The following XKR4 variants were observed in gnomAD, a reference collection of about 807,000 sequenced individuals.
The protein encoded by XKR4 is XK related 4.
In XKR4, 12 loss-of-function variants were observed where a neutral mutation model predicts 53.9. That is an observed-to-expected ratio of 0.22 (90% CI 0.14 to 0.36). XKR4 has a LOEUF of 0.36. XKR4 is among the 10% of genes least tolerant of loss of function. The probability of loss-of-function intolerance (pLI) is 1.00; values close to 1 mark genes in which losing one functional copy is unlikely to be tolerated. For synonymous variants in XKR4, 354 were observed against 362.4 expected (o/e 0.98, Z 0.26); for missense variants, 799 against 859.5 (o/e 0.93, Z 0.88).
intron 2 of XKR4, among the ~76,000 whole-genome samples, chr8:55,477,301 G>T (rs1806008139): frequency 6.6e-6 from 1 of 152,132 alleles, no homozygotes; most frequent in Non-Finnish European, 1.5e-5. Flanking sequence ...AACAGGGTCT[G>T]GAGTGGACCT....
intron 1 of XKR4, among the ~76,000 whole-genome samples, chr8:55,228,881 C>T (rs1446321433): frequency 1.3e-5 from 2 of 150,488 alleles, no homozygotes; most frequent in Non-Finnish European, 2.9e-5. Context: ...ATTCTCTCTT[C>T]TATTTCTATC....
intron 1 of XKR4, among the ~76,000 whole-genome samples, chr8:55,135,989 G>C (rs967049829): frequency 6.6e-6 from 1 of 151,760 alleles, no homozygotes; most frequent in Non-Finnish European, 1.5e-5. Flanking sequence ...CGCCTCCCGG[G>C]TTCAAGTGAT....
At chr8:55,463,056 G>C (rs1805689115) in intron 2 of XKR4, among the ~76,000 whole-genome samples, 3 of 152,068 alleles carry the variant, frequency 2.0e-5, no homozygotes, top group African/African-American at 7.2e-5. Flanking sequence ...GTCAACATTA[G>C]ACAGATCAAC....
intron 1 of XKR4, among the ~76,000 whole-genome samples, chr8:55,253,590 T>G (rs1818390723): frequency 1.3e-5 from 2 of 152,336 alleles, no homozygotes; most frequent in South Asian, 4.1e-4. Flanking sequence ...CTTAAGGATT[T>G]ATGATGAACT....
chr8:55,524,178 A>G lies in XKR4; in HGVS notation c.1904A>G (p.Lys635Arg). The G allele has an allele frequency of 6.2e-7, 1 of 1,614,228 alleles. No homozygotes were observed. The change falls in exon 3 of 3, where the codon AAA (lysine) becomes AGA (arginine). Residue 635 changes from lysine (K) to arginine (R), a missense_variant. Transcript: ENST00000327381. The part of the protein sequence containing the change: ...CSPSPPRLQY[K>R]DDALIQERLE... ...CCATCTCCTCCAAGGCTGCAGTACAAAGATGATGCCCTTATTCAGGAGCGG... is the reference window on the plus strand; with the variant it reads ...CCATCTCCTCCAAGGCTGCAGTACAGAGATGATGCCCTTATTCAGGAGCGG...
chr8:55,153,337 G>GT (rs2129355961), intron 1 of XKR4, among the ~76,000 whole-genome samples: 1 of 152,316 alleles, frequency 6.6e-6, no homozygotes, highest in East Asian at 1.9e-4. Flanking sequence ...CCCGAGGGAA[G>GT]ATATAAGAGA....
chr8:55,462,602 G>A (rs916885805), intron 2 of XKR4, among the ~76,000 whole-genome samples: 13 of 152,070 alleles, frequency 8.5e-5, no homozygotes, highest in African/African-American at 1.4e-4. Context: ...TCATAATGAC[G>A]GGATCAAATT....
chr8:55,470,874 A>G (rs933144043), intron 2 of XKR4, among the ~76,000 whole-genome samples: 5 of 152,160 alleles, frequency 3.3e-5, no homozygotes, highest in Non-Finnish European at 5.9e-5. Flanking sequence ...GCTATTAAAT[A>G]TTTCAGCCAA....
chr8:55,103,051 C>T lies in XKR4; in HGVS notation c.563C>T (p.Pro188Leu). Reference sequence around the variant, plus strand: ...GCTGCTGCCTCCAGCTGCCCGCAGCCTGGAGCCGATTGCAAGACGGTGGTC... The same window carrying T: ...GCTGCTGCCTCCAGCTGCCCGCAGCTTGGAGCCGATTGCAAGACGGTGGTC... ...TAAAASSCPQ[P>L]GADCKTVVGG... is the part of the protein sequence containing the mutation. Residue 188 changes from proline (P) to leucine (L), a missense_variant, in exon 1 of 3, where the codon CCT (proline) becomes CTT (leucine). Pro to Leu is a moderately conservative substitution (Grantham distance 98). Transcript: ENST00000327381. The T allele has an allele frequency of 6.2e-7, 1 of 1,612,836 alleles. No individual in the cohort carries two copies. Among genetic ancestry groups the T allele is most frequent in the Middle Eastern group, 1.7e-4 (1 of 6,060 alleles).
chr8:55,350,738 C>CTTTTTT (rs1028164969), intron 1 of XKR4, among the ~76,000 whole-genome samples: 65 of 122,392 alleles, frequency 5.3e-4, no homozygotes, highest in African/African-American at 6.1e-4. Context: ...TTTTTCTTTT[C>CTTTTTT]TTTTTTTTTT....
chr8:55,113,427 C>G (rs886613396), intron 1 of XKR4, among the ~76,000 whole-genome samples: 7 of 152,176 alleles, frequency 4.6e-5, no homozygotes, highest in South Asian at 2.1e-4. Context: ...TCGTACTGAC[C>G]TCCATTATGA....
chr8:55,390,673 T>C (rs1006120343), intron 2 of XKR4, among the ~76,000 whole-genome samples: 3 of 152,198 alleles, frequency 2.0e-5, no homozygotes, highest in Non-Finnish European at 2.9e-5. Context: ...ATACTGATTA[T>C]AAAACGAGGT....
chr8:55,289,591 GAGAAAGAAAGAAAGAA>G lies in XKR4; in HGVS notation c.807-68044_807-68029del, dbSNP rs747365935. On this transcript the variant is annotated intron_variant, in intron 1 of 2. Coordinates refer to ENST00000327381, the MANE Select transcript of XKR4 (RefSeq NM_052898.2). ...AAGGAGAGAGAAAGGAAGAAAGAAA[GAGAAAGAAAGAAAGAA>G]AGAAAGAAAGAAAGAAAGAAAGAAA... is the stretch of plus-strand genomic sequence containing the variant. Among the ~76,000 whole-genome samples the G allele has an allele frequency of 3.9e-3, 263 of 67,396 alleles. 4 individuals carry two copies. Among genetic ancestry groups the G allele is most frequent in the South Asian group, 9.3e-3 (14 of 1,500 alleles). 44.2% of individuals were successfully genotyped at this position (67,396 alleles called of 152,430 possible).
chr8:55,264,511 A>G (rs60604198), intron 1 of XKR4, among the ~76,000 whole-genome samples: 35,889 of 152,122 alleles, frequency 0.24, 4,691 homozygotes, highest in East Asian at 0.49. Context: ...AATCAGTATG[A>G]TTATTCACAA....
intron 1 of XKR4, among the ~76,000 whole-genome samples, chr8:55,203,459 C>A (rs1817603022): frequency 6.6e-6 from 1 of 152,158 alleles, no homozygotes; most frequent in Non-Finnish European, 1.5e-5. Flanking sequence ...AAGATTACTG[C>A]AGGGGTGGTT....
chr8:55,103,885 A>C (rs192096622), intron 1 of XKR4, among the ~76,000 whole-genome samples: 1 of 137,434 alleles, frequency 7.3e-6, no homozygotes, highest in African/African-American at 2.9e-5. Context: ...ATATATATAT[A>C]TATATATATC....
intron 1 of XKR4, among the ~76,000 whole-genome samples, chr8:55,156,245 C>CT (rs1334210038): frequency 2.0e-5 from 3 of 151,374 alleles, no homozygotes; most frequent in Non-Finnish European, 4.4e-5. Context: ...AGGTATTTGG[C>CT]AGATCTGTTG....
chr8:55,305,372 A>C lies in XKR4; in HGVS notation c.807-52306A>C, dbSNP rs139447644. Among the ~76,000 whole-genome samples the C allele has an allele frequency of 6.6e-5, 10 of 152,184 alleles. No homozygotes were observed. The East Asian group carries it at 1.9e-3, about 29-fold the overall frequency. On this transcript the variant is annotated intron_variant, in intron 1 of 2. Coordinates refer to ENST00000327381, the MANE Select transcript of XKR4 (RefSeq NM_052898.2). ...TCTCCTGGAGTGAGTATTCCTGGAC[A>C]CCTGATTGCTCTAGGGACCCAGAGA...
intron 1 of XKR4, among the ~76,000 whole-genome samples, chr8:55,305,136 T>C (rs1343640235): frequency 1.3e-5 from 2 of 152,332 alleles, no homozygotes; most frequent in East Asian, 3.9e-4. Flanking sequence ...TAGCAGCCAC[T>C]GGCCTTACAT....
Sources: gnomAD v4.1 joint callset for allele counts (sites outside exome capture counted in the v4.1 genomes callset) on GRCh38, gnomAD v4.1.1 for gene constraint, MANE v1.5 for transcripts, NCBI Gene and HGNC (gene_info 2026-07-23, HGNC 2026-07-21) for gene names.